The following UBQLN1 variants were observed in gnomAD, a reference collection of about 807,000 sequenced individuals.
The protein encoded by UBQLN1 is ubiquilin-1.
Under a neutral mutation model 65.4 loss-of-function variants are expected in UBQLN1, and 13 were observed. The ratio of observed to expected loss-of-function variants is 0.20; its 90% CI spans 0.13 to 0.32. The LOEUF (loss-of-function observed/expected upper bound fraction) is 0.32, where lower values mean the gene tolerates loss of function less well. Ranked by LOEUF, UBQLN1 falls within the 10% of genes least tolerant of loss-of-function variation. The probability of loss-of-function intolerance (pLI) is 1.00; values close to 1 mark genes in which losing one functional copy is unlikely to be tolerated. For synonymous variants in UBQLN1, 267 were observed against 247.8 expected (o/e 1.08, Z -0.73); for missense variants, 561 against 724.0 (o/e 0.77, Z 2.58).
chr9:83,707,811 G>A lies in UBQLN1; in HGVS notation c.-132C>T. ...CAGAGCACGCCGCCTCAGTAGCAAC[G>A]GGCGCAGGGCCACCGTAGCGGGTGT... On this transcript the variant is annotated 5_prime_UTR_variant, in exon 1 of 11. Coordinates refer to ENST00000376395, the MANE Select transcript of UBQLN1 (RefSeq NM_013438.5). 4 of 1,315,000 alleles carry A rather than the reference G, an allele frequency of 3.0e-6. No homozygotes were observed. The highest frequency in any genetic ancestry group is 1.6e-5 in the African/African-American group (1 of 63,814). 81.5% of individuals were successfully genotyped at this position (1,315,000 alleles called of 1,614,324 possible). A position where few individuals can be genotyped will look rare whatever the true frequency, so the allele number is the denominator to read the frequency against.
chr9:83,696,032 C>T (rs754163063), intron 1 of UBQLN1, among the ~76,000 whole-genome samples: 10 of 152,268 alleles, frequency 6.6e-5, no homozygotes, highest in East Asian at 1.9e-4. Flanking sequence ...CTCCACCTCC[C>T]GGATTCAAGC....
intron 1 of UBQLN1, among the ~76,000 whole-genome samples, chr9:83,690,569 C>T (rs1246787021): frequency 6.6e-6 from 1 of 152,072 alleles, no homozygotes; most frequent in African/African-American, 2.4e-5. Context: ...TGGCTGTGAA[C>T]TTTTAAGCTG....
intron 3 of UBQLN1, among the ~76,000 whole-genome samples, 193 bp from the exon 4 acceptor site, chr9:83,680,230 TG>T (rs1831918171): frequency 6.6e-6 from 1 of 152,232 alleles, no homozygotes; most frequent in African/African-American, 2.4e-5. Context: ...ATTTACACTT[TG>T]GTAATTAAAG....
At chr9:83,700,068 C>A (rs1832285874) in intron 1 of UBQLN1, among the ~76,000 whole-genome samples, 1 of 152,194 alleles carries the variant, frequency 6.6e-6, no homozygotes, top group Middle Eastern at 3.2e-3. Flanking sequence ...AAACCACTCA[C>A]TATGTAATGA....
intron 6 of UBQLN1, among the ~76,000 whole-genome samples, chr9:83,677,499 T>C (rs1468952602): frequency 6.6e-6 from 1 of 151,708 alleles, no homozygotes; most frequent in African/African-American, 2.4e-5. Context: ...GAGGAAGAGG[T>C]TGCGGTGAGC....
At chr9:83,683,517 G>C (rs1831985449) in intron 2 of UBQLN1, among the ~76,000 whole-genome samples, 2 of 150,972 alleles carry the variant, frequency 1.3e-5, no homozygotes, top group African/African-American at 2.4e-5. Flanking sequence ...AAAAGCCTGA[G>C]AAAACTAAGC....
chr9:83,695,825 G>A (rs1049150716), intron 1 of UBQLN1, among the ~76,000 whole-genome samples: 9 of 152,214 alleles, frequency 5.9e-5, no homozygotes, highest in Non-Finnish European at 1.2e-4. Flanking sequence ...TAGAATCTGT[G>A]AAGTATGCTA....
At chr9:83,680,366 T>C (rs1324717038) in intron 3 of UBQLN1, among the ~76,000 whole-genome samples, 4 of 152,066 alleles carry the variant, frequency 2.6e-5, no homozygotes, top group Admixed American at 2.6e-4. Context: ...TCTTTTATTA[T>C]TCATTACAAG....
intron 6 of UBQLN1, among the ~76,000 whole-genome samples, chr9:83,676,496 T>C (rs767763112): frequency 6.6e-6 from 1 of 152,184 alleles, no homozygotes; most frequent in Non-Finnish European, 1.5e-5. Context: ...CAAAAGATTG[T>C]TAGTATCAAA....
In UBQLN1 at chr9:83,660,035, C is replaced by CA. The variant is rs2131135578; in HGVS notation, c.*1751dup. 1 of 152,260 alleles carries CA rather than the reference C, an allele frequency of 6.6e-6. No homozygotes were observed. The highest frequency in any genetic ancestry group is 1.9e-4 in the East Asian group (1 of 5,190). The allele number at this position is 152,260 out of a possible 1,614,324, so 9.4% of individuals were successfully genotyped here. On this transcript the variant is annotated 3_prime_UTR_variant, in exon 11 of 11. Transcript: ENST00000376395. ...TGTCAAATTAGTTATGACACTATCCCACACTGAATACCACCATTTGCCAGT... is the reference window on the plus strand; with the variant it reads ...TGTCAAATTAGTTATGACACTATCCCAACACTGAATACCACCATTTGCCAGT...
At chr9:83,702,797 T>C (rs1041165923) in intron 1 of UBQLN1, among the ~76,000 whole-genome samples, 1 of 152,152 alleles carries the variant, frequency 6.6e-6, no homozygotes, top group Non-Finnish European at 1.5e-5. Flanking sequence ...TTAAATCATG[T>C]GTGTGATGAT....
Position 83,661,208 on chromosome 9 carries a change from G to C in UBQLN1, c.*579C>G, listed in dbSNP as rs1831556650. 6.5e-6 allele frequency: 1 copy of C among 152,680 alleles called. No homozygotes were observed. The highest frequency in any genetic ancestry group is 6.5e-5 in the Admixed American group (1 of 15,280). 9.5% of individuals were successfully genotyped at this position (152,680 alleles called of 1,614,324 possible). ...AATTAGGAAATACTCAGCTTTAAGAGTATTTTCTTATCTTCACTTTTTTAG... is the reference window on the plus strand; with the variant it reads ...AATTAGGAAATACTCAGCTTTAAGACTATTTTCTTATCTTCACTTTTTTAG... On this transcript the variant is annotated 3_prime_UTR_variant, in exon 11 of 11. Transcript: ENST00000376395.
At chr9:83,691,081 T>C (rs939700981) in intron 1 of UBQLN1, among the ~76,000 whole-genome samples, 3 of 151,850 alleles carry the variant, frequency 2.0e-5, no homozygotes, top group Admixed American at 2.0e-4. Flanking sequence ...GAGATTGCAG[T>C]GAGCCAAAAT....
rs1053253701 is a variant in UBQLN1, at chr9:83,661,269, T to C, written c.*518A>G. 1.3e-5 allele frequency: 2 copies of C among 153,970 alleles called. No individual in the cohort carries two copies. Among genetic ancestry groups the C allele is most frequent in the Non-Finnish European group, 2.9e-5 (2 of 68,082 alleles). 9.5% of individuals were successfully genotyped at this position (153,970 alleles called of 1,614,324 possible). A position where few individuals can be genotyped will look rare whatever the true frequency, so the allele number is the denominator to read the frequency against. On this transcript the variant is annotated 3_prime_UTR_variant, in exon 11 of 11. Transcript: ENST00000376395. ...TTTGCTCAGAGAGCCTATTGCAGTATGTTTCCAGAAATGCAGTCCCAAATG... is the reference window on the plus strand; with the variant it reads ...TTTGCTCAGAGAGCCTATTGCAGTACGTTTCCAGAAATGCAGTCCCAAATG...
At chr9:83,688,724 T>C (rs1384081958) in intron 1 of UBQLN1, among the ~76,000 whole-genome samples, 1 of 151,856 alleles carries the variant, frequency 6.6e-6, no homozygotes, top group Non-Finnish European at 1.5e-5. Flanking sequence ...AGCTGGGCAT[T>C]GTGGTGCATG....
chr9:83,675,049 T>C (rs1277299902), intron 6 of UBQLN1, among the ~76,000 whole-genome samples: 1 of 152,216 alleles, frequency 6.6e-6, no homozygotes, highest in Non-Finnish European at 1.5e-5. Flanking sequence ...CATTTGGATC[T>C]ATCATGTTAC....
At chr9:83,668,081 G>C (rs1831671801) in intron 7 of UBQLN1, 15 of 985,144 alleles carry the variant, frequency 1.5e-5, no homozygotes, top group Non-Finnish European at 1.8e-5. Context: ...GTAAATTGAA[G>C]CATTTAATAC....
rs1832036201 is a variant in UBQLN1 at position 83,686,121 on chromosome 9, T to C, written c.215A>G (p.His72Arg). The change falls in exon 2 of 11, where the codon CAT (histidine) becomes CGT (arginine). Residue 72 changes from histidine (H) to arginine (R), a missense_variant. His to Arg is a conservative substitution (Grantham distance 29, BLOSUM62 0). Around this residue, in one of 8 missense-constraint regions of UBQLN1, gnomAD observed 101 missense variants for 104.9 expected, o/e 0.96. Transcript: ENST00000376395. Reference protein sequence around the residue: ...KEEISKRFKSHTDQLVLIFAG... With the variant: ...KEEISKRFKSRTDQLVLIFAG... Reference sequence around the variant, plus strand: ...AAATATCAACACAAGTTGGTCAGTATGTGATTTAAAACGTTTAGAGATTTC... The same window carrying C: ...AAATATCAACACAAGTTGGTCAGTACGTGATTTAAAACGTTTAGAGATTTC... 1.9e-6 allele frequency: 3 copies of C among 1,587,342 alleles called. No homozygotes were observed. The highest frequency in any genetic ancestry group is 1.4e-5 in the African/African-American group (1 of 73,062).
At position 83,686,733 on chromosome 9, in the gene UBQLN1, G is replaced by T. The variant is rs117988241; in HGVS notation, c.181-578C>A. Among the ~76,000 whole-genome samples the T allele has an allele frequency of 2.0e-4, 30 of 152,006 alleles. No homozygotes were observed. The East Asian group carries it at 4.8e-3, about 25-fold the overall frequency. On this transcript the variant is annotated intron_variant, in intron 1 of 10. Coordinates refer to ENST00000376395, the MANE Select transcript of UBQLN1 (RefSeq NM_013438.5). ...TATACACAGCCAATCTCATATTCTT[G>T]GCCTAGCGGTGGAGTATCTCTAATG...
Sources: gnomAD v4.1 joint callset for allele counts (sites outside exome capture counted in the v4.1 genomes callset) on GRCh38, gnomAD v4.1.1 for gene constraint, gnomAD v4.1.1 regional missense constraint, MANE v1.5 for transcripts, NCBI Gene and HGNC (gene_info 2026-07-23, HGNC 2026-07-21) for gene names.